Variants in ASCC3 observed in about 807,000 individuals in gnomAD.
The protein encoded by ASCC3 is ASC-1 complex subunit P200.
ASCC3 carries 158 observed loss-of-function variants against 256.3 expected under a neutral mutation model. The ratio of observed to expected loss-of-function variants is 0.62; its 90% confidence interval spans 0.54 to 0.70. The LOEUF (loss-of-function observed/expected upper bound fraction) is 0.70, where lower values mean the gene tolerates loss of function less well. Ranked by LOEUF, ASCC3 falls within the 30% of genes least tolerant of loss-of-function variation. The pLI is 0.00. For missense variants in ASCC3, 2,259 were observed against 2,626.0 expected (o/e 0.86, Z 3.05); for synonymous variants, 948 against 883.4 (o/e 1.07, Z -1.30).
At chr6:100,654,576 C>T (rs1678233532) in intron 17 of ASCC3, among the ~76,000 whole-genome samples, 1 of 151,914 alleles carries the variant, frequency 6.6e-6, no homozygotes, top group Non-Finnish European at 1.5e-5. Flanking sequence ...ATAACTAGTG[C>T]CATATTCTTT....
intron 13 of ASCC3, among the ~76,000 whole-genome samples, chr6:100,704,447 C>G (rs911919495): frequency 6.6e-6 from 1 of 151,892 alleles, no homozygotes; most frequent in Non-Finnish European, 1.5e-5. Flanking sequence ...AGAATATAAA[C>G]TTTATAGGCA....
intron 8 of ASCC3, among the ~76,000 whole-genome samples, chr6:100,772,837 A>G (rs1273935792): frequency 6.6e-6 from 1 of 152,236 alleles, no homozygotes; most frequent in Non-Finnish European, 1.5e-5. Context: ...TCTGCAAGGT[A>G]ATACTGCAAG....
intron 3 of ASCC3, among the ~76,000 whole-genome samples, chr6:100,855,214 A>C (rs1253860712): frequency 6.6e-6 from 1 of 152,072 alleles, no homozygotes; most frequent in African/African-American, 2.4e-5. Flanking sequence ...CCTGGACTCA[A>C]GCCATCCTCC....
intron 3 of ASCC3, chr6:100,858,430 A>T: frequency 2.8e-6 from 1 of 360,956 alleles, no homozygotes; most frequent in Non-Finnish European, 3.8e-6. Flanking sequence ...TTGTAGCATT[A>T]AGTATGTTTT....
chr6:100,731,232 C>T lies in ASCC3; in HGVS notation c.1738-5529G>A, dbSNP rs746348846. ...TCAAAATTGAACATGTAAAAAAATA[C>T]TTTCCAGACTATGTGTGTTTACATC... On this transcript the variant is annotated intron_variant, in intron 10 of 41. Coordinates refer to ENST00000369162, the MANE Select transcript of ASCC3 (RefSeq NM_006828.4). 3.9e-5 allele frequency among the ~76,000 whole-genome samples: 6 copies of T among 152,222 alleles called. No homozygotes were observed. The East Asian group carries it at 1.2e-3, about 29-fold the overall frequency.
chr6:100,737,407 G>A (rs1449840343), intron 10 of ASCC3, among the ~76,000 whole-genome samples: 1 of 152,048 alleles, frequency 6.6e-6, no homozygotes, highest in Non-Finnish European at 1.5e-5. Context: ...AGGCCCCAGT[G>A]TGTGTTGTTC....
At chr6:100,697,089 T>G (rs239211) in intron 13 of ASCC3, among the ~76,000 whole-genome samples, 82,980 of 151,922 alleles carry the variant, frequency 0.55, 22,889 homozygotes, top group East Asian at 0.73. Flanking sequence ...TAAGTCTACT[T>G]TTATGTAGCA....
At chr6:100,515,655 T>C (rs2114609379) in intron 39 of ASCC3, among the ~76,000 whole-genome samples, 1 of 152,276 alleles carries the variant, frequency 6.6e-6, no homozygotes, top group Middle Eastern at 3.4e-3. Context: ...ACACACATAG[T>C]TTATTTGAAA....
chr6:100,628,816 A>T (rs1774385794), intron 27 of ASCC3, among the ~76,000 whole-genome samples, 199 bp downstream of exon 27: 1 of 152,050 alleles, frequency 6.6e-6, no homozygotes, highest in African/African-American at 2.4e-5. Flanking sequence ...AAAATTTTTT[A>T]TGTTTCACCT....
chr6:100,844,429 G>A (rs1017144840), intron 4 of ASCC3, among the ~76,000 whole-genome samples: 1 of 151,868 alleles, frequency 6.6e-6, no homozygotes, highest in Admixed American at 6.6e-5. Context: ...AAAATTTTCT[G>A]TTGAAAGTCC....
chr6:100,532,417 T>A (rs1209222187), intron 37 of ASCC3, among the ~76,000 whole-genome samples: 25 of 143,652 alleles, frequency 1.7e-4, no homozygotes, highest in African/African-American at 6.1e-4. Flanking sequence ...TTTTTTTTTT[T>A]TTTTTTTTTT....
chr6:100,859,821 T>C (rs1773137414), intron 3 of ASCC3, among the ~76,000 whole-genome samples: 1 of 152,048 alleles, frequency 6.6e-6, no homozygotes, highest in African/African-American at 2.4e-5. Context: ...ACAGGTCTTT[T>C]TATGACAAGT....
chr6:100,859,489 A>AT (rs1356770564), intron 3 of ASCC3, among the ~76,000 whole-genome samples: 1 of 152,048 alleles, frequency 6.6e-6, no homozygotes, highest in Non-Finnish European at 1.5e-5. Context: ...AGAATTCTAA[A>AT]TATCTACCAT....
At chr6:100,634,254 C>T (rs1774710552) in intron 25 of ASCC3, among the ~76,000 whole-genome samples, 1 of 152,048 alleles carries the variant, frequency 6.6e-6, no homozygotes, top group South Asian at 2.1e-4. Context: ...TGTTGGGAAC[C>T]TTCAATATCC....
chr6:100,651,670 G>A, intron 18 of ASCC3, 24 bp from the exon 19 acceptor site: 1 of 1,235,762 alleles, frequency 8.1e-7, no homozygotes, highest in Non-Finnish European at 1.1e-6. Flanking sequence ...TGTTATATTT[G>A]ATTAAAATAA....
Position 100,607,029 on chromosome 6 carries a change from C to A in ASCC3, c.4845G>T (p.Gly1615=). The A allele has an allele frequency of 6.2e-7, 1 of 1,613,654 alleles. No individual in the cohort carries two copies. The highest frequency in any genetic ancestry group is 1.3e-5 in the African/African-American group (1 of 75,010). ...GTAGTCCAGCATGATGCATTCCTAT[C>A]CCGAAAGCAAGGGTCAGCTTGAGGT... ...DSNLKLTLAF[G]IGMHHAGLHE... is the part of the protein sequence containing the mutation. Residue 1615 remains glycine (G), a synonymous_variant, in exon 31 of 42, where the codon GGG becomes GGT. Coordinates refer to ENST00000369162, the MANE Select transcript of ASCC3 (RefSeq NM_006828.4).
At position 100,702,853 on chromosome 6, in the gene ASCC3, G is replaced by A. The variant is rs149824705; in HGVS notation, c.2151+12609C>T. Among the ~76,000 whole-genome samples, 59 of 152,042 alleles carry A rather than the reference G, an allele frequency of 3.9e-4. 2 individuals carry two copies. The highest frequency in any genetic ancestry group is 1.4e-3 in the African/African-American group (58 of 41,478). ...TTTGTAAAAACAACCTTTTATTGAG[G>A]GTGTATCAAGCTTTGAATTTTCCTT... On this transcript the variant is annotated intron_variant, in intron 13 of 41. Transcript: ENST00000369162.
At chr6:100,660,693 T>G (rs1776148717) in intron 16 of ASCC3, among the ~76,000 whole-genome samples, 1 of 151,626 alleles carries the variant, frequency 6.6e-6, no homozygotes, top group African/African-American at 2.4e-5. Context: ...AGACAAGCTG[T>G]TACTCTAACT....
chr6:100,858,986 T>A (rs553670287), intron 3 of ASCC3: 1 of 681,128 alleles, frequency 1.5e-6, no homozygotes, highest in African/African-American at 1.8e-5. Context: ...ACATTCTCCA[T>A]TAAAGCCATC....
Sources: allele counts gnomAD v4.1 joint callset (sites outside exome capture counted in the v4.1 genomes callset), GRCh38; gene constraint gnomAD v4.1.1; transcripts MANE v1.5; gene names NCBI Gene and HGNC (gene_info 2026-07-23, HGNC 2026-07-21).